IGSF11: variants seen among roughly 807,000 people sequenced by gnomAD.
IGSF11 encodes the protein immunoglobulin superfamily member 11, also known as CXADR like 1.
In IGSF11, 22 loss-of-function variants were observed where a neutral mutation model predicts 41.0. The ratio of observed to expected loss-of-function variants is 0.54; its 90% CI spans 0.38 to 0.77. The LOEUF (loss-of-function observed/expected upper bound fraction) is 0.77, where lower values mean the gene tolerates loss of function less well. Ranked by LOEUF, IGSF11 falls within the 30% of genes least tolerant of loss-of-function variation. The pLI is 0.00. For synonymous variants in IGSF11, 219 were observed against 201.3 expected, an observed-to-expected ratio of 1.09 and a Z score of -0.74; for missense variants, 444 against 530.8, an observed-to-expected ratio of 0.84 and a Z score of 1.61.
chr3:119,016,188 G>A lies in IGSF11; in HGVS notation c.52+18343C>T, dbSNP rs1251193340. On this transcript the variant is annotated intron_variant, in intron 1 of 6. Coordinates refer to ENST00000393775, the MANE Select transcript of IGSF11 (RefSeq NM_001015887.3). ...AAAGGGTGTCACACTGGGCTGTGGGGCACAGAAAAGAAGGGAGAGAGGTGT... is the reference window on the plus strand; with the variant it reads ...AAAGGGTGTCACACTGGGCTGTGGGACACAGAAAAGAAGGGAGAGAGGTGT... Among the ~76,000 whole-genome samples the A allele has an allele frequency of 2.6e-5, 4 of 152,246 alleles. No homozygotes were observed. In the East Asian group the frequency reaches 7.7e-4, roughly 29 times the overall value.
At chr3:119,068,261 T>G (rs1341392638) in intron 1 of IGSF11, among the ~76,000 whole-genome samples, 1 of 152,220 alleles carries the variant, frequency 6.6e-6, no homozygotes, top group East Asian at 1.9e-4. Context: ...TTTGTTTACA[T>G]CATTGACCCA....
chr3:118,994,476 G>C (rs560596661), intron 1 of IGSF11, among the ~76,000 whole-genome samples: 2 of 152,240 alleles, frequency 1.3e-5, no homozygotes, highest in African/African-American at 4.8e-5. Flanking sequence ...GGGCAACATA[G>C]TAAGTCCTCA....
intron 1 of IGSF11, among the ~76,000 whole-genome samples, chr3:119,022,140 C>T (rs1303023366): frequency 6.6e-6 from 1 of 151,910 alleles, no homozygotes; most frequent in South Asian, 2.1e-4. Context: ...CATGAATGAA[C>T]CTTGAAAAAA....
intron 1 of IGSF11, chr3:118,943,211 G>T (rs559860480): frequency 9.9e-5 from 15 of 152,274 alleles, no homozygotes; most frequent in African/African-American, 3.6e-4. Context: ...AGCATATAGA[G>T]GGGAGCCTCA....
Position 119,048,846 on chromosome 3 carries a change from T to C in IGSF11, c.49+56298A>G, listed in dbSNP as rs1425786433. Among the ~76,000 whole-genome samples the C allele has an allele frequency of 6.5e-3, 990 of 151,862 alleles. 14 individuals are homozygous for C. The highest frequency in any genetic ancestry group is 0.022 in the African/African-American group (926 of 41,204). ...TGGGATGCAAGGCTGGTTCAATATA[T>C]GCAAATCAGTAAATGTAATCCAGCA... is the stretch of plus-strand genomic sequence containing the variant. On this transcript the variant is annotated intron_variant, in intron 1 of 6. Transcript: ENST00000354673.
chr3:119,035,437 C>A (rs1940849727), upstream of IGSF11, among the ~76,000 whole-genome samples: 1 of 152,194 alleles, frequency 6.6e-6, no homozygotes, highest in Non-Finnish European at 1.5e-5. Context: ...ATGCCCCTAA[C>A]TCCCCATTCC....
intron 1 of IGSF11, among the ~76,000 whole-genome samples, chr3:118,951,813 G>A (rs1037064982): frequency 2.6e-5 from 4 of 151,936 alleles, no homozygotes; most frequent in East Asian, 1.9e-4. Context: ...CTAACACAAC[G>A]TAAATGCTAT....
chr3:119,102,824 T>A (rs1162905022), intron 1 of IGSF11, among the ~76,000 whole-genome samples: 1 of 152,100 alleles, frequency 6.6e-6, no homozygotes, highest in African/African-American at 2.4e-5. Flanking sequence ...TTCATTCCTA[T>A]AATAGTTTTT....
At chr3:118,909,994 T>C (rs189885784) in intron 4 of IGSF11, among the ~76,000 whole-genome samples, 3 of 152,304 alleles carry the variant, frequency 2.0e-5, no homozygotes, top group Non-Finnish European at 4.4e-5. Context: ...TGATTCATCA[T>C]TAGCAACATA....
rs145921410 is a variant in IGSF11, at chr3:118,999,305, AGAAAT to A, written c.52+35221_52+35225del. Among the ~76,000 whole-genome samples the A allele has an allele frequency of 9.7e-3, 1,481 of 152,298 alleles. 9 individuals are homozygous for A. The highest frequency in any genetic ancestry group is 0.021 in the Admixed American group (323 of 15,296). Reference sequence around the variant, plus strand: ...GAACCATGTATAAGAGTACTTGAAAAGAAATGAATACTTTCGAAAACATATTGCTC... The same window carrying A: ...GAACCATGTATAAGAGTACTTGAAAAGAATACTTTCGAAAACATATTGCTC... On this transcript the variant is annotated intron_variant, in intron 1 of 6. Coordinates refer to ENST00000393775, the MANE Select transcript of IGSF11 (RefSeq NM_001015887.3).
At chr3:118,946,446 T>TA (rs151177743) in intron 1 of IGSF11, among the ~76,000 whole-genome samples, 6,374 of 143,306 alleles carry the variant, frequency 0.044, 338 homozygotes, top group African/African-American at 0.14. Context: ...CTATTTTACT[T>TA]AAAAAAAAAA....
intron 1 of IGSF11, chr3:119,105,036 G>T: frequency 1.6e-6 from 1 of 639,596 alleles, no homozygotes; most frequent in Non-Finnish European, 2.7e-6. Flanking sequence ...TTAGTAGTAG[G>T]AGAATATACA....
chr3:119,117,983 G>A lies in IGSF11; in HGVS notation c.-13-12778C>T, dbSNP rs144970011. 3.7e-3 allele frequency among the ~76,000 whole-genome samples: 569 copies of A among 152,350 alleles called. 10 individuals are homozygous for A. The highest frequency in any genetic ancestry group is 0.013 in the African/African-American group (542 of 41,582). ...CTGATGCAAAAGGTGGGTTCCCATGGTCTTGGACAGCTCTGCCCTTGTGGC... is the reference window on the plus strand; with the variant it reads ...CTGATGCAAAAGGTGGGTTCCCATGATCTTGGACAGCTCTGCCCTTGTGGC... On this transcript the variant is annotated intron_variant, in intron 1 of 7. Coordinates refer to the IGSF11 transcript ENST00000425327.
At chr3:119,045,549 C>T (rs1030369847) in intron 1 of IGSF11, among the ~76,000 whole-genome samples, 8 of 152,250 alleles carry the variant, frequency 5.3e-5, no homozygotes, top group Admixed American at 1.3e-4. Flanking sequence ...AACTGCAAGG[C>T]GGCAGTGAGG....
intron 1 of IGSF11, among the ~76,000 whole-genome samples, chr3:119,044,485 T>A (rs1043643729): frequency 6.6e-6 from 1 of 152,258 alleles, no homozygotes; most frequent in South Asian, 2.1e-4. Flanking sequence ...GGAAAAAGTA[T>A]TTGAGGAAAT....
intron 1 of IGSF11, among the ~76,000 whole-genome samples, chr3:118,935,293 T>A (rs1943161507): frequency 8.8e-6 from 1 of 113,136 alleles, no homozygotes; most frequent in African/African-American, 4.2e-5. Context: ...AATATCAGGG[T>A]GTATATACAT....
At chr3:119,117,197 C>CAAA (rs759966280) in intron 1 of IGSF11, among the ~76,000 whole-genome samples, 1 of 135,448 alleles carries the variant, frequency 7.4e-6, no homozygotes, top group Non-Finnish European at 1.6e-5. Flanking sequence ...TGGAAGTTAT[C>CAAA]AAAAAAAAAA....
At chr3:118,960,389 A>C (rs903076660) in intron 1 of IGSF11, among the ~76,000 whole-genome samples, 36 of 152,210 alleles carry the variant, frequency 2.4e-4, no homozygotes, top group Admixed American at 2.0e-4. Context: ...GCTTTTGAAA[A>C]ATACTTAGGG....
intron 1 of IGSF11, among the ~76,000 whole-genome samples, chr3:119,048,664 T>G (rs1008184010): frequency 6.6e-6 from 1 of 152,052 alleles, no homozygotes; most frequent in African/African-American, 2.4e-5. Context: ...AGCATCATTC[T>G]GATACCAAAG....
Sources: allele counts gnomAD v4.1 joint callset (sites outside exome capture counted in the v4.1 genomes callset), GRCh38; gene constraint gnomAD v4.1.1; transcripts MANE v1.5; gene names NCBI Gene and HGNC (gene_info 2026-07-23, HGNC 2026-07-21).